The following DUSP29 variants were observed in gnomAD, a reference collection of about 807,000 sequenced individuals.
DUSP29 encodes dual specificity phosphatase 29, also known as atypical dual-specific protein phosphatase.
DUSP29 carries 12 observed loss-of-function variants against 13.5 expected under a neutral mutation model. The ratio of observed to expected loss-of-function variants is 0.89; its 90% CI spans 0.57 to 1.44. The LOEUF is 1.44. Ranked by LOEUF, DUSP29 falls within the 40% of genes most tolerant of loss-of-function variation. The probability of loss-of-function intolerance (pLI) is 0.00; values close to 1 mark genes in which losing one functional copy is unlikely to be tolerated. For missense variants in DUSP29, 308 were observed against 301.1 expected (o/e 1.02, Z -0.17); for synonymous variants, 134 against 128.7 (o/e 1.04, Z -0.28).
At chr10:75,070,068 AG>A (rs1276860421) in intron 1 of DUSP29, among the ~76,000 whole-genome samples, 10 of 125,656 alleles carry the variant, frequency 8.0e-5, no homozygotes, top group African/African-American at 3.1e-4. Context: ...GAAAGAAAGA[AG>A]AAAGGAAGGA....
chr10:75,052,983 G>A (rs2395129), intron 2 of DUSP29, among the ~76,000 whole-genome samples: 18,098 of 152,238 alleles, frequency 0.12, 2,207 homozygotes, highest in African/African-American at 0.31. Flanking sequence ...GGTTTGCTAG[G>A]TCTCTCTTTT....
chr10:75,069,561 G>A (rs779922394), intron 1 of DUSP29, among the ~76,000 whole-genome samples: 8 of 152,162 alleles, frequency 5.3e-5, no homozygotes, highest in Non-Finnish European at 7.3e-5. Flanking sequence ...CCACTTATTC[G>A]TCACTGGTCC....
chr10:75,040,042 G>C (rs558803814), intron 3 of DUSP29, among the ~76,000 whole-genome samples: 2 of 152,240 alleles, frequency 1.3e-5, no homozygotes, highest in South Asian at 4.2e-4. Context: ...TTCACCAGGT[G>C]TGGTGGTGGG....
At chr10:75,047,586 T>G (rs1387778388) in intron 2 of DUSP29, among the ~76,000 whole-genome samples, 1 of 152,208 alleles carries the variant, frequency 6.6e-6, no homozygotes, top group Non-Finnish European at 1.5e-5. Context: ...TGGGTCCACA[T>G]AAATGCCTCT....
At chr10:75,064,131 C>T (rs948352526) in intron 1 of DUSP29, among the ~76,000 whole-genome samples, 4 of 152,106 alleles carry the variant, frequency 2.6e-5, no homozygotes, top group African/African-American at 9.7e-5. Context: ...GCCTCAAACT[C>T]CTGGGCTCAA....
chr10:75,069,023 T>G (rs1589870670), intron 1 of DUSP29, among the ~76,000 whole-genome samples: 1 of 152,312 alleles, frequency 6.6e-6, no homozygotes, highest in East Asian at 1.9e-4. Flanking sequence ...ATTATGTGAA[T>G]TAATATAAAA....
intron 2 of DUSP29, among the ~76,000 whole-genome samples, chr10:75,047,682 G>A (rs1265027366): frequency 6.6e-6 from 1 of 152,124 alleles, no homozygotes; most frequent in Non-Finnish European, 1.5e-5. Flanking sequence ...TTAGTTTCTG[G>A]TTAGGCACAA....
intron 2 of DUSP29, among the ~76,000 whole-genome samples, chr10:75,050,492 T>C (rs1047740899): frequency 2.6e-5 from 4 of 152,264 alleles, no homozygotes; most frequent in Non-Finnish European, 4.4e-5. Flanking sequence ...GCCTAATTCA[T>C]TTAATAGGCC....
chr10:75,037,768 T>G lies in DUSP29; in HGVS notation c.*68A>C, dbSNP rs1026492711. 3.9e-6 allele frequency: 6 copies of G among 1,532,202 alleles called. No individual in the cohort carries two copies. The Admixed American group carries it at 1.1e-4, about 29-fold the overall frequency. 94.9% of individuals were successfully genotyped at this position (1,532,202 alleles called of 1,614,324 possible). The stretch of plus-strand genomic sequence containing the variant: ...TTTCACCATCCCTTCTCTGGAGTCC[T>G]AGGCCAGGGCTATGTTCTGCCTCTC... On this transcript the variant is annotated 3_prime_UTR_variant, in exon 4 of 4. Transcript: ENST00000338487.
At chr10:75,071,514 A>C (rs938470059) in intron 1 of DUSP29, among the ~76,000 whole-genome samples, 8 of 152,190 alleles carry the variant, frequency 5.3e-5, no homozygotes, top group Non-Finnish European at 1.0e-4. Context: ...CGCAGACAGG[A>C]CCAGGTTCCC....
intron 1 of DUSP29, among the ~76,000 whole-genome samples, chr10:75,072,271 C>T (rs140433937): frequency 1.2e-4 from 18 of 152,262 alleles, no homozygotes; most frequent in African/African-American, 4.1e-4. Context: ...TAACACACAC[C>T]CACTGGGGCT....
chr10:75,057,721 A>G (rs1050858920), intron 2 of DUSP29, among the ~76,000 whole-genome samples: 101 of 152,224 alleles, frequency 6.6e-4, no homozygotes, highest in Non-Finnish European at 2.5e-4. Context: ...AAAGGAGGTG[A>G]CAGTGACCTA....
chr10:75,064,021 G>A lies in DUSP29; in HGVS notation c.-34-5473C>T, dbSNP rs142815963. ...GCCTTTGAAGAGCTATCAGCACAGGGACTCCTCATTAACTCAGACTCTAGT... is the reference window on the plus strand; with the variant it reads ...GCCTTTGAAGAGCTATCAGCACAGGAACTCCTCATTAACTCAGACTCTAGT... On this transcript the variant is annotated intron_variant, in intron 1 of 3. Coordinates refer to ENST00000338487, the MANE Select transcript of DUSP29 (RefSeq NM_001003892.3). Among the ~76,000 whole-genome samples, 536 of 151,972 alleles carry A rather than the reference G, an allele frequency of 3.5e-3. 1 individual carries two copies. The highest frequency in any genetic ancestry group is 0.012 in the African/African-American group (515 of 41,458).
chr10:75,045,140 T>C (rs534997498), intron 2 of DUSP29, among the ~76,000 whole-genome samples: 4 of 152,316 alleles, frequency 2.6e-5, no homozygotes, highest in South Asian at 2.1e-4. Flanking sequence ...GCAAATCACA[T>C]GAGGTCAGGA....
chr10:75,062,605 G>A (rs145735232), intron 1 of DUSP29, among the ~76,000 whole-genome samples: 227 of 152,316 alleles, frequency 1.5e-3, no homozygotes, highest in African/African-American at 4.9e-3. Flanking sequence ...AGAACAAAGT[G>A]TGGAACCGTC....
intron 1 of DUSP29, among the ~76,000 whole-genome samples, chr10:75,071,338 A>C (rs2134310999): frequency 6.6e-6 from 1 of 152,306 alleles, no homozygotes; most frequent in South Asian, 2.1e-4. Context: ...TCGGGGCCGC[A>C]GTGTCTGGGG....
intron 1 of DUSP29, among the ~76,000 whole-genome samples, chr10:75,061,517 C>T (rs557311603): frequency 6.6e-6 from 1 of 152,296 alleles, no homozygotes; most frequent in East Asian, 1.9e-4. Flanking sequence ...GCTGCACCCT[C>T]GTAGGGGCGC....
rs768985880 is a variant in DUSP29, at chr10:75,043,993, C to A, written c.225G>T (p.Arg75Ser). The A allele has an allele frequency of 6.2e-7, 1 of 1,611,992 alleles. No homozygotes were observed. The highest frequency in any genetic ancestry group is 8.5e-7 in the Non-Finnish European group (1 of 1,179,858). The change falls in exon 3 of 4, where the codon AGG becomes AGT. Residue 75 changes from arginine (R) to serine (S), a missense_variant. Coordinates refer to ENST00000338487, the MANE Select transcript of DUSP29 (RefSeq NM_001003892.3). ...CGTGCGTGAACCCCGCCTTCTGCAG[C>A]CTATAGCGGTCCAGCGCCGTCGCCC... is the stretch of plus-strand genomic sequence containing the variant. ...GDEATALDRY[R>S]LQKAGFTHVL... is the part of the protein sequence containing the mutation.
rs916572954 is a variant in DUSP29, at chr10:75,073,559, G to A, written c.-35+10C>T. On this transcript the variant is annotated intron_variant, in intron 1 of 3. Coordinates refer to ENST00000338487, the MANE Select transcript of DUSP29 (RefSeq NM_001003892.3). ...CAAGGGGTGCCGGCCTCCCCACCCA[G>A]CGGCCTTACCTGGGTGTGCCGGGGC... Among the ~76,000 whole-genome samples the A allele has an allele frequency of 1.3e-5, 2 of 152,214 alleles. No homozygotes were observed. The highest frequency in any genetic ancestry group is 4.8e-5 in the African/African-American group (2 of 41,460).
Sources: gnomAD v4.1 joint callset for allele counts (sites outside exome capture counted in the v4.1 genomes callset) on GRCh38, gnomAD v4.1.1 for gene constraint, MANE v1.5 for transcripts, NCBI Gene and HGNC (gene_info 2026-07-23, HGNC 2026-07-21) for gene names.